Variants in GAS2 observed in about 807,000 individuals in gnomAD.
GAS2 encodes growth arrest specific 2, also known as growth arrest-specific protein 2.
A neutral mutation model predicts 37.5 loss-of-function variants in GAS2; 20 were observed. The ratio of observed to expected loss-of-function variants is 0.53; its 90% CI spans 0.37 to 0.77. GAS2 has a LOEUF of 0.77. Ranked by LOEUF, GAS2 falls within the 30% of genes least tolerant of loss-of-function variation. The pLI is 0.00. For synonymous variants in GAS2, 144 were observed against 132.2 expected, an observed-to-expected ratio of 1.09 and a Z score of -0.61; for missense variants, 336 against 373.4, an observed-to-expected ratio of 0.90 and a Z score of 0.82.
chr11:22,692,225 T>C (rs1850278946), intron 3 of GAS2, among the ~76,000 whole-genome samples: 1 of 152,194 alleles, frequency 6.6e-6, no homozygotes, highest in South Asian at 2.1e-4. Flanking sequence ...GATGTGCCTA[T>C]GGAACTTATC....
At chr11:22,729,585 A>G (rs555370858) in intron 4 of GAS2, among the ~76,000 whole-genome samples, 2 of 151,956 alleles carry the variant, frequency 1.3e-5, no homozygotes, top group South Asian at 4.2e-4. Context: ...TGTTCGCTAC[A>G]TCCTGAAATC....
intron 7 of GAS2, among the ~76,000 whole-genome samples, chr11:22,789,297 TATATATACACACACAC>T (rs1365166654): frequency 2.0e-5 from 2 of 100,742 alleles, no homozygotes; most frequent in South Asian, 3.9e-4. Flanking sequence ...TATATATATA[TATATATACACACACAC>T]ACACACACAC....
intron 3 of GAS2, among the ~76,000 whole-genome samples, chr11:22,711,820 C>A (rs1055980494): frequency 6.6e-6 from 1 of 152,096 alleles, no homozygotes; most frequent in African/African-American, 2.4e-5. Flanking sequence ...TGAAAGCCAC[C>A]CCAAAAACCC....
chr11:22,802,141 C>T (rs549825417), intron 7 of GAS2, among the ~76,000 whole-genome samples: 29 of 152,138 alleles, frequency 1.9e-4, no homozygotes, highest in African/African-American at 7.0e-4. Context: ...TATAGAGCTT[C>T]ATTAGGGACA....
chr11:22,701,567 G>T (rs890621930), intron 3 of GAS2, among the ~76,000 whole-genome samples: 1 of 152,062 alleles, frequency 6.6e-6, no homozygotes. Flanking sequence ...GGTGGCTCAC[G>T]CCTGTAATCC....
At chr11:22,672,148 T>G (rs898743955) in intron 1 of GAS2, among the ~76,000 whole-genome samples, 2 of 152,176 alleles carry the variant, frequency 1.3e-5, no homozygotes, top group East Asian at 3.8e-4. Flanking sequence ...TCACTAAGCC[T>G]TCTTTCTCTC....
At position 22,811,697 on chromosome 11, in the gene GAS2, G is replaced by C. The variant is rs981048342; in HGVS notation, c.724-101G>C. ...ACCAAGTAGAAAAACAATGGGTCATGAAATACAAACCAAAACACTAATTTC... is the reference window on the plus strand; with the variant it reads ...ACCAAGTAGAAAAACAATGGGTCATCAAATACAAACCAAAACACTAATTTC... On this transcript the variant is annotated intron_variant, in intron 7 of 7. Transcript: ENST00000454584. 3.5e-6 allele frequency: 4 copies of C among 1,145,088 alleles called. No individual in the cohort carries two copies. The Admixed American group carries it at 7.6e-5, about 22-fold the overall frequency. 70.9% of individuals were successfully genotyped at this position (1,145,088 alleles called of 1,614,324 possible). A position where few individuals can be genotyped will look rare whatever the true frequency, so the allele number is the denominator to read the frequency against.
At chr11:22,644,151 T>C (rs1050248078) in intron 1 of GAS2, among the ~76,000 whole-genome samples, 1 of 152,180 alleles carries the variant, frequency 6.6e-6, no homozygotes, top group Non-Finnish European at 1.5e-5. Context: ...TTATTACTCT[T>C]TCACTAAGTA....
chr11:22,663,626 G>C (rs919231920), upstream of GAS2, among the ~76,000 whole-genome samples: 1 of 151,996 alleles, frequency 6.6e-6, no homozygotes, highest in Non-Finnish European at 1.5e-5. Flanking sequence ...TCTCCACTGA[G>C]AGTAAAGTAA....
intron 7 of GAS2, among the ~76,000 whole-genome samples, chr11:22,762,703 T>A (rs1189880991): frequency 6.6e-6 from 1 of 152,202 alleles, no homozygotes; most frequent in African/African-American, 2.4e-5. Flanking sequence ...TTTGCCTGAC[T>A]ATATTATGAC....
intron 5 of GAS2, among the ~76,000 whole-genome samples, chr11:22,747,702 G>C (rs905274910): frequency 1.3e-5 from 2 of 152,160 alleles, no homozygotes; most frequent in East Asian, 1.9e-4. Flanking sequence ...CAAGCAAAGT[G>C]GGGGGTCCAT....
intron 3 of GAS2, among the ~76,000 whole-genome samples, chr11:22,686,660 G>T (rs753938824): frequency 6.1e-5 from 9 of 147,238 alleles, no homozygotes; most frequent in Non-Finnish European, 1.0e-4. Context: ...TGAGGCGGGA[G>T]AATCGCTTGA....
intron 7 of GAS2, among the ~76,000 whole-genome samples, chr11:22,790,748 C>CTG (rs1330117732): frequency 6.6e-6 from 1 of 151,990 alleles, no homozygotes; most frequent in East Asian, 1.9e-4. Flanking sequence ...CAGGCGTGAG[C>CTG]CACCACACCC....
chr11:22,778,220 T>C (rs1164088164), intron 7 of GAS2, among the ~76,000 whole-genome samples: 2 of 152,226 alleles, frequency 1.3e-5, no homozygotes, highest in Non-Finnish European at 2.9e-5. Context: ...ATTTAAAATC[T>C]CTGTGACTCA....
At chr11:22,681,290 C>A (rs1849671905) in intron 2 of GAS2, among the ~76,000 whole-genome samples, 1 of 138,552 alleles carries the variant, frequency 7.2e-6, no homozygotes, top group African/African-American at 3.0e-5. Context: ...AGTTGCCTGG[C>A]AAAAGATTTC....
intron 5 of GAS2, among the ~76,000 whole-genome samples, chr11:22,739,031 G>A (rs1271008522): frequency 6.6e-6 from 1 of 152,182 alleles, no homozygotes; most frequent in Non-Finnish European, 1.5e-5. Context: ...GAACTCTCTA[G>A]TCTTGGTCCT....
intron 2 of GAS2, among the ~76,000 whole-genome samples, chr11:22,684,063 T>C (rs1234036360): frequency 6.6e-6 from 1 of 152,128 alleles, no homozygotes; most frequent in Non-Finnish European, 1.5e-5. Context: ...AGGTAGGGCA[T>C]TGAAGTTGGG....
At chr11:22,712,441 A>T (rs1851453499) in intron 3 of GAS2, among the ~76,000 whole-genome samples, 1 of 152,140 alleles carries the variant, frequency 6.6e-6, no homozygotes, top group Admixed American at 6.5e-5. Flanking sequence ...CTAGATCCAG[A>T]AGGGTAATAA....
At chr11:22,809,922 G>C (rs1217111203) in intron 7 of GAS2, among the ~76,000 whole-genome samples, 2 of 152,070 alleles carry the variant, frequency 1.3e-5, no homozygotes, top group Non-Finnish European at 2.9e-5. Flanking sequence ...ATATTTCAGG[G>C]GTTCTCATTG....
Sources: gnomAD v4.1 joint callset for allele counts (sites outside exome capture counted in the v4.1 genomes callset) on GRCh38, gnomAD v4.1.1 for gene constraint, MANE v1.5 for transcripts, NCBI Gene and HGNC (gene_info 2026-07-23, HGNC 2026-07-21) for gene names.